SAMD12: variants seen among roughly 807,000 people sequenced by gnomAD.
SAMD12 encodes the protein sterile alpha motif domain containing 12.
SAMD12 carries 9 observed loss-of-function variants against 15.0 expected under a neutral mutation model. The ratio of observed to expected loss-of-function variants is 0.60; its 90% CI spans 0.36 to 1.05. The LOEUF (loss-of-function observed/expected upper bound fraction) is 1.05. Among genes scored for constraint, SAMD12 ranks in the 50% least tolerant of loss-of-function variants. The pLI, the probability that SAMD12 is intolerant of heterozygous loss-of-function variation, is 0.01. For synonymous variants in SAMD12, 86 were observed against 90.1 expected (o/e 0.96, Z 0.25); for missense variants, 230 against 234.2 (o/e 0.98, Z 0.12).
At position 118,248,485 on chromosome 8, in the gene SAMD12, G is replaced by C. The variant is rs955175016; in HGVS notation, c.434-50753C>G. ...GATGGAGGGTGGTGTTGAGAAGAAT[G>C]CTAATGTTGCTCAGATTGATGTCTG... On this transcript the variant is annotated intron_variant, in intron 4 of 4. Coordinates refer to the SAMD12 transcript ENST00000409003. 2.6e-5 allele frequency among the ~76,000 whole-genome samples: 4 copies of C among 152,112 alleles called. No homozygotes were observed. In the East Asian group the frequency reaches 7.7e-4, roughly 29 times the overall value.
chr8:118,268,769 G>A (rs1014830437), intron 4 of SAMD12, among the ~76,000 whole-genome samples: 14 of 152,084 alleles, frequency 9.2e-5, no homozygotes, highest in Non-Finnish European at 1.8e-4. Flanking sequence ...AGCTGAAATC[G>A]TGCCACTGCA....
chr8:118,519,840 A>AT (rs1240244737), intron 2 of SAMD12, among the ~76,000 whole-genome samples: 4 of 152,228 alleles, frequency 2.6e-5, no homozygotes, highest in African/African-American at 9.6e-5. Flanking sequence ...ATGACTTAAC[A>AT]TCTAGTCTGT....
intron 2 of SAMD12, among the ~76,000 whole-genome samples, chr8:118,551,370 T>A (rs1184863433): frequency 2.0e-5 from 3 of 151,838 alleles, no homozygotes; most frequent in Non-Finnish European, 2.9e-5. Context: ...GGATTAAGAA[T>A]CTCACTCAAA....
rs369618797 is a variant in SAMD12, at chr8:118,416,097, T to C, written c.322+23735A>G. Among the ~76,000 whole-genome samples the C allele has an allele frequency of 1.1e-4, 16 of 152,286 alleles. No homozygotes were observed. The East Asian group carries it at 2.9e-3, about 28-fold the overall frequency. On this transcript the variant is annotated intron_variant, in intron 3 of 3. Transcript: ENST00000314727. ...AGGAGAATAGGGTTTTCTATCAGATTAGGGAAGCTGGGTTCCAATAATAGT... is the reference window on the plus strand; with the variant it reads ...AGGAGAATAGGGTTTTCTATCAGATCAGGGAAGCTGGGTTCCAATAATAGT...
At chr8:118,260,477 C>T (rs1350687330) in intron 4 of SAMD12, among the ~76,000 whole-genome samples, 1 of 152,184 alleles carries the variant, frequency 6.6e-6, no homozygotes, top group African/African-American at 2.4e-5. Context: ...TACCATTGCA[C>T]CAAGTATAGA....
chr8:118,484,113 C>T (rs1381050929), intron 2 of SAMD12, among the ~76,000 whole-genome samples: 1 of 152,090 alleles, frequency 6.6e-6, no homozygotes, highest in African/African-American at 2.4e-5. Context: ...GGTGGGAGAA[C>T]TTATTTGATA....
At chr8:118,445,764 T>C (rs34179252) in intron 2 of SAMD12, among the ~76,000 whole-genome samples, 5,920 of 152,260 alleles carry the variant, frequency 0.039, 181 homozygotes, top group Non-Finnish European at 0.057. Flanking sequence ...CAAATTTTGA[T>C]GCTAATCTCT....
intron 4 of SAMD12, among the ~76,000 whole-genome samples, chr8:118,317,426 C>CT (rs1815978229): frequency 2.0e-5 from 3 of 152,130 alleles, no homozygotes; most frequent in African/African-American, 4.8e-5. Context: ...CTGTGGGATG[C>CT]TCACATGTTG....
At chr8:118,220,260 T>G (rs943685221) in intron 4 of SAMD12, among the ~76,000 whole-genome samples, 6 of 152,214 alleles carry the variant, frequency 3.9e-5, no homozygotes, top group African/African-American at 1.4e-4. Context: ...GTGAATAGTG[T>G]TCTCTACAGC....
intron 1 of SAMD12, among the ~76,000 whole-genome samples, chr8:118,590,190 G>A (rs1827550218): frequency 6.6e-6 from 1 of 152,182 alleles, no homozygotes; most frequent in African/African-American, 2.4e-5. Flanking sequence ...TAGCAAGGTA[G>A]GAAACATGTA....
chr8:118,548,376 AACACACATAC>A (rs1554583400), intron 2 of SAMD12, among the ~76,000 whole-genome samples: 1 of 126,720 alleles, frequency 7.9e-6, no homozygotes, highest in Non-Finnish European at 1.6e-5. Flanking sequence ...TTACACTAAA[AACACACATAC>A]ACACACACAC....
At chr8:118,370,294 G>T (rs531354511) in intron 4 of SAMD12, among the ~76,000 whole-genome samples, 61 of 152,294 alleles carry the variant, frequency 4.0e-4, no homozygotes, top group African/African-American at 1.3e-3. Flanking sequence ...ACAGATGCTG[G>T]TGAGGTTGTG....
intron 4 of SAMD12, among the ~76,000 whole-genome samples, chr8:118,260,640 T>A (rs1325154825): frequency 1.3e-5 from 2 of 152,048 alleles, no homozygotes; most frequent in East Asian, 3.9e-4. Flanking sequence ...CCAGTGGGGA[T>A]TTGCTGATGG....
chr8:118,611,425 A>C (rs529333920), intron 1 of SAMD12, among the ~76,000 whole-genome samples: 1 of 152,324 alleles, frequency 6.6e-6, no homozygotes, highest in African/African-American at 2.4e-5. Flanking sequence ...ATGGAAAGAG[A>C]ACAAAAGGGT....
At chr8:118,269,499 C>T (rs550792920) in intron 4 of SAMD12, among the ~76,000 whole-genome samples, 4 of 151,996 alleles carry the variant, frequency 2.6e-5, no homozygotes, top group Non-Finnish European at 4.4e-5. Context: ...CACCTTATGC[C>T]CAGGCCCCCT....
chr8:118,278,792 T>C (rs1313736964), intron 4 of SAMD12, among the ~76,000 whole-genome samples: 2 of 152,164 alleles, frequency 1.3e-5, no homozygotes, highest in African/African-American at 4.8e-5. Context: ...GCTTCATACA[T>C]GATCAAAGAG....
chr8:118,517,153 G>A (rs1825265744), intron 2 of SAMD12, among the ~76,000 whole-genome samples: 1 of 152,156 alleles, frequency 6.6e-6, no homozygotes, highest in Admixed American at 6.5e-5. Flanking sequence ...CTAGCTCAAA[G>A]GGGGTATAAG....
chr8:118,420,748 AG>A (rs1821958185), intron 3 of SAMD12, among the ~76,000 whole-genome samples: 2 of 152,144 alleles, frequency 1.3e-5, no homozygotes, highest in African/African-American at 4.8e-5. Flanking sequence ...GTATGTAAAA[AG>A]GAAAAAAAAG....
intron 2 of SAMD12, among the ~76,000 whole-genome samples, chr8:118,461,883 A>C (rs1277394296): frequency 6.6e-6 from 1 of 152,228 alleles, no homozygotes; most frequent in Non-Finnish European, 1.5e-5. Context: ...TTTTTCTAAA[A>C]GTTTATAATG....
Sources: allele counts gnomAD v4.1 joint callset (sites outside exome capture counted in the v4.1 genomes callset), GRCh38; gene constraint gnomAD v4.1.1; transcripts MANE v1.5; gene names NCBI Gene and HGNC (gene_info 2026-07-23, HGNC 2026-07-21).